Variants in FRMD3 observed in about 807,000 individuals in gnomAD.
FRMD3 encodes the protein FERM domain-containing protein 3.
FRMD3 carries 33 observed loss-of-function variants against 70.2 expected under a neutral mutation model. The ratio of observed to expected loss-of-function variants is 0.47; its 90% CI spans 0.36 to 0.63. The LOEUF is 0.63. FRMD3 is among the 20% of genes least tolerant of loss of function. The pLI is 0.00. For synonymous variants in FRMD3, 279 were observed against 255.9 expected, an observed-to-expected ratio of 1.09 and a Z score of -0.86; for missense variants, 632 against 711.4, an observed-to-expected ratio of 0.89 and a Z score of 1.27.
chr9:83,560,015 A>G, the FRMD3 span, among the ~76,000 whole-genome samples: 2 of 152,150 alleles, frequency 1.3e-5, no homozygotes, highest in African/African-American at 4.8e-5. Flanking sequence ...TGTGCTTTAC[A>G]CATTCTATAA....
At position 83,537,182 on chromosome 9, in the gene FRMD3, G is replaced by GCA. The variant is rs1243106488; in HGVS notation, c.147+901_147+902dup. Among the ~76,000 whole-genome samples, 3 of 151,846 alleles carry GCA rather than the reference G, an allele frequency of 2.0e-5. No individual in the cohort carries two copies. The highest frequency in any genetic ancestry group is 6.6e-5 in the Admixed American group (1 of 15,234). On this transcript the variant is annotated intron_variant, in intron 1 of 13. Transcript: ENST00000304195. This position sits in a 1 kb window ranked among gnomAD's most constrained non-coding sequence, Gnocchi z 4.1. ...TATGCACACGCACGCGCAACCACAT[G>GCA]CACACACACACCTTTGCACCTCACA...
Position 83,331,798 on chromosome 9 carries a change from T to C in FRMD3, c.596+3718A>G, listed in dbSNP as rs866571860. 5.6e-6 allele frequency: 4 copies of C among 711,388 alleles called. 1 individual carries two copies. The Middle Eastern group carries it at 7.0e-4, about 124-fold the overall frequency. The allele number at this position is 711,388 out of a possible 1,614,324, so 44.1% of individuals were successfully genotyped here. On this transcript the variant is annotated intron_variant, in intron 6 of 13. Coordinates refer to ENST00000304195, the MANE Select transcript of FRMD3 (RefSeq NM_174938.6). Reference sequence around the variant, plus strand: ...AAAGAAAAACAACTCTATTAGTCAATGAGTTGTGAGGGCCATTAAGGGCTG... The same window carrying C: ...AAAGAAAAACAACTCTATTAGTCAACGAGTTGTGAGGGCCATTAAGGGCTG...
intron 1 of FRMD3, among the ~76,000 whole-genome samples, chr9:83,436,458 A>AAG (rs1827136103): frequency 6.9e-6 from 1 of 144,566 alleles, no homozygotes; most frequent in Non-Finnish European, 1.5e-5. Context: ...AATTAATAAG[A>AAG]TGTGTGTGTG....
intron 5 of FRMD3, among the ~76,000 whole-genome samples, chr9:83,336,393 A>C (rs1390846401): frequency 1.3e-5 from 2 of 151,400 alleles, no homozygotes; most frequent in Admixed American, 1.3e-4. Flanking sequence ...CCAGGATAGG[A>C]GGTGGTACCA....
intron 1 of FRMD3, among the ~76,000 whole-genome samples, chr9:83,465,376 G>A (rs60254558): frequency 0.16 from 23,850 of 152,000 alleles, 1,908 homozygotes; most frequent in East Asian, 0.2. Flanking sequence ...GATCACTTGA[G>A]CCCAGGAGTT....
In FRMD3 at chr9:83,395,978, C is replaced by A. The variant is rs189795435; in HGVS notation, c.148-6270G>T. ...GTAATAAGAACTACTATTCATTTAA[C>A]ACTTACTGTATATCAAGAACTTTGC... On this transcript the variant is annotated intron_variant, in intron 1 of 13. Coordinates refer to ENST00000304195, the MANE Select transcript of FRMD3 (RefSeq NM_174938.6). 2.2e-3 allele frequency among the ~76,000 whole-genome samples: 335 copies of A among 152,324 alleles called. 4 individuals carry two copies. Among genetic ancestry groups the A allele is most frequent in the Non-Finnish European group, 3.1e-3 (209 of 68,024 alleles).
rs1554713918 is a variant in FRMD3 at position 83,507,736 on chromosome 9, A to ATATCTATCTATC, written c.147+30348_147+30349insGATAGATAGATA. On this transcript the variant is annotated intron_variant, in intron 1 of 13. Coordinates refer to ENST00000304195, the MANE Select transcript of FRMD3 (RefSeq NM_174938.6). ...TATATATATATATATATATATATAT[A>ATATCTATCTATC]TATCTTCTGGAATATTTCCTGAAGG... 9.1e-4 allele frequency among the ~76,000 whole-genome samples: 81 copies of ATATCTATCTATC among 88,692 alleles called. 3 individuals are homozygous for ATATCTATCTATC. Among genetic ancestry groups the ATATCTATCTATC allele is most frequent in the Middle Eastern group, 6.7e-3 (1 of 150 alleles). The allele number at this position is 88,692 out of a possible 152,430, so 58.2% of individuals were successfully genotyped here.
In FRMD3 at chr9:83,477,545, C is replaced by T. The variant is rs879566924; in HGVS notation, c.147+60540G>A. 2.6e-5 allele frequency among the ~76,000 whole-genome samples: 4 copies of T among 152,264 alleles called. No homozygotes were observed. In the East Asian group the frequency reaches 5.8e-4, roughly 22 times the overall value. On this transcript the variant is annotated intron_variant, in intron 1 of 13. Coordinates refer to ENST00000304195, the MANE Select transcript of FRMD3 (RefSeq NM_174938.6). ...AAGCTCCCCAGGTAATTATAATGTA[C>T]GCCCAAGGTTGAGAACCACCTCCCC...
intron 13 of FRMD3, among the ~76,000 whole-genome samples, chr9:83,261,015 A>G (rs943540518): frequency 1.1e-4 from 16 of 151,918 alleles, no homozygotes; most frequent in Admixed American, 9.8e-4. Flanking sequence ...GCCTCTGAAT[A>G]TCTTTGGGAG....
Position 83,372,941 on chromosome 9 carries a change from A to C in FRMD3, c.267T>G (p.Pro89=). Residue 89 remains proline, a synonymous_variant, in exon 3 of 14, where the codon CCT becomes CCG. Coordinates refer to ENST00000304195, the MANE Select transcript of FRMD3 (RefSeq NM_174938.6). ...TCATTTGCTTGAAGATGGACTTGTT[A>C]GGTTCAAGCCAGTGCTAGGGAGGAA... ...DPEKQRHWLE[P]NKSIFKQMKT... is the part of the protein sequence containing the mutation. 3 of 1,608,436 alleles carry C rather than the reference A, an allele frequency of 1.9e-6. No homozygotes were observed. The highest frequency in any genetic ancestry group is 1.4e-5 in the African/African-American group (1 of 72,858).
At chr9:83,252,099 GAAGA>G (rs1178563910) in intron 13 of FRMD3, among the ~76,000 whole-genome samples, 1 of 152,134 alleles carries the variant, frequency 6.6e-6, no homozygotes, top group Non-Finnish European at 1.5e-5. Context: ...CGAAATGAAA[GAAGA>G]AATGTTAAGG....
intron 1 of FRMD3, among the ~76,000 whole-genome samples, chr9:83,475,406 T>C (rs571447299): frequency 2.0e-5 from 3 of 152,146 alleles, no homozygotes; most frequent in Admixed American, 1.3e-4. Flanking sequence ...AGAGAATTGG[T>C]GATCTAGAAG....
At chr9:83,437,563 A>C (rs1827171716) in intron 1 of FRMD3, among the ~76,000 whole-genome samples, 1 of 152,174 alleles carries the variant, frequency 6.6e-6, no homozygotes, top group Non-Finnish European at 1.5e-5. Context: ...TTAGTTCCAA[A>C]ATATCACGAA....
Position 83,461,663 on chromosome 9 carries a change from CCCTTTTTTTTTTTTT to C in FRMD3, c.148-71970_148-71956del, listed in dbSNP as rs1564088826. 1.2e-3 allele frequency among the ~76,000 whole-genome samples: 150 copies of C among 126,066 alleles called. 1 individual carries two copies. The highest frequency in any genetic ancestry group is 4.3e-3 in the Middle Eastern group (1 of 234). The allele number at this position is 126,066 out of a possible 152,430, so 82.7% of individuals were successfully genotyped here. On this transcript the variant is annotated intron_variant, in intron 1 of 13. Transcript: ENST00000304195. ...AAAATCTTAATTCCTTCAGGAATTTCCCTTTTTTTTTTTTTTTTTTTTTTTTTTTTTTTTTTTTTT... is the reference window on the plus strand; with the variant it reads ...AAAATCTTAATTCCTTCAGGAATTTCTTTTTTTTTTTTTTTTTTTTTTTTT...
At chr9:83,546,847 G>A in the FRMD3 span, among the ~76,000 whole-genome samples, 1 of 123,190 alleles carries the variant, frequency 8.1e-6, no homozygotes, top group East Asian at 2.6e-4. Flanking sequence ...AGCCAAGATT[G>A]TGCCACTGCA....
chr9:83,530,525 G>A (rs944180245), intron 1 of FRMD3, among the ~76,000 whole-genome samples: 16 of 152,046 alleles, frequency 1.1e-4, no homozygotes, highest in Middle Eastern at 3.2e-3. Context: ...AAGGGCAAAG[G>A]TTCATTTTGG....
At chr9:83,555,429 T>TG in the FRMD3 span, among the ~76,000 whole-genome samples, 1 of 151,744 alleles carries the variant, frequency 6.6e-6, no homozygotes, top group Non-Finnish European at 1.5e-5. Context: ...TGTGCTGTGC[T>TG]GGGGGACCCC....
chr9:83,487,938 T>C (rs1223402195), intron 1 of FRMD3, among the ~76,000 whole-genome samples: 1 of 152,212 alleles, frequency 6.6e-6, no homozygotes, highest in African/African-American at 2.4e-5. Flanking sequence ...ACAGTGATGT[T>C]AAGCCTGGCT....
At chr9:83,479,706 A>AAGAAAGAAAG (rs1554710650) in intron 1 of FRMD3, among the ~76,000 whole-genome samples, 2,248 of 80,790 alleles carry the variant, frequency 0.028, 89 homozygotes, top group Middle Eastern at 0.052. Context: ...GAAAGAAAGA[A>AAGAAAGAAAG]AGAAAGAAAG....
Sources: allele counts gnomAD v4.1 joint callset (sites outside exome capture counted in the v4.1 genomes callset), GRCh38; gene constraint gnomAD v4.1.1; non-coding constraint Gnocchi (gnomAD v3.1); transcripts MANE v1.5; gene names NCBI Gene and HGNC (gene_info 2026-07-23, HGNC 2026-07-21).